The following ZMIZ1 variants were observed in gnomAD, a reference collection of about 807,000 sequenced individuals.
ZMIZ1 encodes the protein zinc finger MIZ-type containing 1.
In ZMIZ1, 17 loss-of-function variants were observed where a neutral mutation model predicts 113.9. The ratio of observed to expected loss-of-function variants is 0.15; its 90% CI spans 0.10 to 0.22. The LOEUF is 0.22. Ranked by LOEUF, ZMIZ1 falls within the 10% of genes least tolerant of loss-of-function variation. The pLI is 1.00. For missense variants in ZMIZ1, 1,059 were observed against 1,477.8 expected (o/e 0.72, Z 4.65); for synonymous variants, 607 against 603.1 (o/e 1.01, Z -0.09).
intron 4 of ZMIZ1, among the ~76,000 whole-genome samples, chr10:79,172,671 A>G (rs1260859584): frequency 1.3e-5 from 2 of 152,168 alleles, no homozygotes; most frequent in Non-Finnish European, 2.9e-5. Flanking sequence ...CCTAAGGAGC[A>G]TCCCATCCAA....
chr10:79,224,654 C>A (rs563127234), intron 7 of ZMIZ1, among the ~76,000 whole-genome samples: 1 of 152,302 alleles, frequency 6.6e-6, no homozygotes, highest in South Asian at 2.1e-4. Flanking sequence ...CTATGCCGCC[C>A]CACGGCCACC....
At chr10:79,227,660 T>C (rs976379004) in intron 7 of ZMIZ1, among the ~76,000 whole-genome samples, 2 of 152,380 alleles carry the variant, frequency 1.3e-5, no homozygotes, top group Admixed American at 6.5e-5. Context: ...TTCCAGCCTG[T>C]TGGCATTCAT....
At chr10:79,261,175 C>T (rs879502643) in intron 7 of ZMIZ1, among the ~76,000 whole-genome samples, 20 of 152,336 alleles carry the variant, frequency 1.3e-4, no homozygotes, top group East Asian at 1.9e-4. Flanking sequence ...CCTGTGGCCC[C>T]GCCGGGTGGT....
In ZMIZ1 at chr10:79,118,499, C is replaced by G. The variant is rs1269391216; in HGVS notation, c.-336-416C>G. 2.6e-5 allele frequency among the ~76,000 whole-genome samples: 4 copies of G among 152,112 alleles called. No homozygotes were observed. The highest frequency in any genetic ancestry group is 4.4e-5 in the Non-Finnish European group (3 of 68,034). On this transcript the variant is annotated intron_variant, in intron 1 of 24. Transcript: ENST00000334512. This position sits in a 1 kb window ranked among gnomAD's most constrained non-coding sequence, Gnocchi z 4.1. ...GAGGGGCTGGTGAGAGAGGGCTCCA[C>G]GGAAGCACTTGAGCAGAGTCTCAAA...
chr10:79,206,518 G>T (rs1848321555), intron 5 of ZMIZ1, among the ~76,000 whole-genome samples: 2 of 152,232 alleles, frequency 1.3e-5, no homozygotes, highest in South Asian at 2.1e-4. Flanking sequence ...TTTAGAGAAA[G>T]GGCACAGGAG....
chr10:79,260,893 C>T (rs1299266413), intron 7 of ZMIZ1, among the ~76,000 whole-genome samples: 1 of 152,180 alleles, frequency 6.6e-6, no homozygotes, highest in Non-Finnish European at 1.5e-5. Context: ...CACTAGTTTC[C>T]TCCTATCAAA....
intron 3 of ZMIZ1, among the ~76,000 whole-genome samples, chr10:79,155,382 T>C (rs1264087008): frequency 2.0e-5 from 3 of 152,240 alleles, no homozygotes; most frequent in Non-Finnish European, 2.9e-5. Flanking sequence ...AGTCCCTGAC[T>C]GGGCCTGAGT....
chr10:79,162,223 C>G, intron 4 of ZMIZ1, 90 bp downstream of exon 4: 1 of 398,016 alleles, frequency 2.5e-6, no homozygotes, highest in Admixed American at 4.4e-5. Context: ...CACGCTGGAC[C>G]TTTGACTCGG....
chr10:79,302,822 G>A (rs552941240), intron 18 of ZMIZ1, among the ~76,000 whole-genome samples: 8 of 146,814 alleles, frequency 5.4e-5, no homozygotes, highest in African/African-American at 2.0e-4. Flanking sequence ...GCCTCCCAAG[G>A]AGTTGGGACT....
chr10:79,224,416 C>A (rs149940433), intron 7 of ZMIZ1, among the ~76,000 whole-genome samples: 12 of 152,138 alleles, frequency 7.9e-5, no homozygotes, highest in African/African-American at 2.9e-4. Flanking sequence ...GTTTTCCTAG[C>A]GCAGCCCTCT....
intron 24 of ZMIZ1, among the ~76,000 whole-genome samples, chr10:79,312,237 C>T (rs1269351452): frequency 6.6e-6 from 1 of 152,220 alleles, no homozygotes; most frequent in African/African-American, 2.4e-5. Flanking sequence ...GTGCAGGAAC[C>T]ACTCGCCTTC....
At chr10:79,274,882 A>C (rs151114283) in intron 7 of ZMIZ1, among the ~76,000 whole-genome samples, 153 of 152,310 alleles carry the variant, frequency 1.0e-3, no homozygotes, top group South Asian at 1.9e-3. Flanking sequence ...GTGACATTGG[A>C]GGAAAGCCCT....
rs554600232 is a variant in ZMIZ1 at position 79,142,157 on chromosome 10, G to A, written c.-131+2380G>A. Among the ~76,000 whole-genome samples, 9 of 152,278 alleles carry A rather than the reference G, an allele frequency of 5.9e-5. No homozygotes were observed. In the South Asian group the frequency reaches 6.2e-4, roughly 11 times the overall value. Reference sequence around the variant, plus strand: ...AGGGACAATGGCCGGGGAGGGCTGCGTGAAGCTGAGGAGTTCTGTTTCAGA... The same window carrying A: ...AGGGACAATGGCCGGGGAGGGCTGCATGAAGCTGAGGAGTTCTGTTTCAGA... On this transcript the variant is annotated intron_variant, in intron 3 of 24. Transcript: ENST00000334512.
intron 7 of ZMIZ1, among the ~76,000 whole-genome samples, chr10:79,235,723 G>A (rs1398921572): frequency 6.6e-6 from 1 of 152,250 alleles, no homozygotes; most frequent in African/African-American, 2.4e-5. Context: ...CGGGTAGGAT[G>A]GACCCATCCC....
chr10:79,266,663 T>C (rs1851626681), intron 7 of ZMIZ1, among the ~76,000 whole-genome samples: 1 of 152,154 alleles, frequency 6.6e-6, no homozygotes, highest in African/African-American at 2.4e-5. Context: ...CAGTAGTCAC[T>C]GCCCCCGGTC....
chr10:79,275,615 G>T (rs188490218), intron 7 of ZMIZ1, among the ~76,000 whole-genome samples: 1 of 152,364 alleles, frequency 6.6e-6, no homozygotes, highest in Non-Finnish European at 1.5e-5. Context: ...ACGTGGTGGC[G>T]TACAAGAGGC....
intron 2 of ZMIZ1, among the ~76,000 whole-genome samples, chr10:79,125,081 C>G (rs1370233491): frequency 6.6e-6 from 1 of 152,224 alleles, no homozygotes; most frequent in Non-Finnish European, 1.5e-5. Context: ...GACCTTCATG[C>G]TCCACCACGG....
Position 79,116,395 on chromosome 10 carries a change from ACCCAGC to A in ZMIZ1, c.-336-2514_-336-2509del, listed in dbSNP as rs1844032967. Among the ~76,000 whole-genome samples the A allele has an allele frequency of 2.6e-5, 4 of 152,198 alleles. No individual in the cohort carries two copies. In the South Asian group the frequency reaches 8.3e-4, roughly 32 times the overall value. On this transcript the variant is annotated intron_variant, in intron 1 of 24. Transcript: ENST00000334512. Reference sequence around the variant, plus strand: ...GAGAGACTTACACACTCTGGGGAAGACCCAGCCCCAGAGAGAGAACTGTGTGAATAT... The same window carrying A: ...GAGAGACTTACACACTCTGGGGAAGACCCAGAGAGAGAACTGTGTGAATAT...
At chr10:79,103,924 A>AT (rs1449825078) in intron 1 of ZMIZ1, among the ~76,000 whole-genome samples, 1 of 152,032 alleles carries the variant, frequency 6.6e-6, no homozygotes, top group Non-Finnish European at 1.5e-5. Context: ...TTCAAGCACC[A>AT]TTTGCCATTG....
Sources: allele counts gnomAD v4.1 joint callset (sites outside exome capture counted in the v4.1 genomes callset), GRCh38; gene constraint gnomAD v4.1.1; non-coding constraint Gnocchi (gnomAD v3.1); transcripts MANE v1.5; gene names NCBI Gene and HGNC (gene_info 2026-07-23, HGNC 2026-07-21).